The following TENM2 variants were observed in gnomAD, a reference collection of about 807,000 sequenced individuals.
TENM2 encodes teneurin-2.
Under a neutral mutation model 245.2 loss-of-function variants are expected in TENM2, and 52 were observed. The ratio of observed to expected loss-of-function variants is 0.21; its 90% confidence interval spans 0.17 to 0.27. The LOEUF is 0.27. Among genes scored for constraint, TENM2 ranks in the 10% least tolerant of loss-of-function variants. The pLI, the probability that TENM2 is intolerant of heterozygous loss-of-function variation, is 1.00. For missense variants in TENM2, 3,046 were observed against 3,666.8 expected (o/e 0.83, Z 4.37); for synonymous variants, 1,363 against 1,438.9 (o/e 0.95, Z 1.19).
intron 2 of TENM2, among the ~76,000 whole-genome samples, chr5:167,636,260 G>A (rs987635398): frequency 2.0e-5 from 3 of 152,084 alleles, no homozygotes; most frequent in African/African-American, 7.2e-5. Flanking sequence ...TTTTGGAGAT[G>A]CAATTTAAAA....
At chr5:167,527,921 G>T (rs1045638434) in intron 2 of TENM2, among the ~76,000 whole-genome samples, 9 of 152,260 alleles carry the variant, frequency 5.9e-5, no homozygotes, top group Admixed American at 5.2e-4. Flanking sequence ...AAGATGTCAT[G>T]TAGCTTTTCT....
At chr5:167,234,082 T>C in the TENM2 span, among the ~76,000 whole-genome samples, 2 of 152,026 alleles carry the variant, frequency 1.3e-5, no homozygotes, top group African/African-American at 4.8e-5. Flanking sequence ...GAAAATAACA[T>C]TGGTCTAACT....
the TENM2 span, among the ~76,000 whole-genome samples, chr5:167,115,740 A>G: frequency 2.6e-5 from 4 of 152,336 alleles, no homozygotes; most frequent in Middle Eastern, 3.4e-3. Flanking sequence ...TAGCTTAAGA[A>G]ATGTTGGGAA....
intron 2 of TENM2, among the ~76,000 whole-genome samples, chr5:167,765,097 A>G (rs1762921940): frequency 6.6e-6 from 1 of 152,112 alleles, no homozygotes; most frequent in African/African-American, 2.4e-5. Context: ...CCTCCCAGAA[A>G]GTTATTCAAA....
chr5:168,255,836 C>T (rs1344962778), intron 27 of TENM2, among the ~76,000 whole-genome samples: 1 of 152,022 alleles, frequency 6.6e-6, no homozygotes, highest in Non-Finnish European at 1.5e-5. Context: ...GACGAAGTCT[C>T]ACTCTGTCTC....
At chr5:168,230,375 T>C (rs1429112977) in intron 25 of TENM2, among the ~76,000 whole-genome samples, 1 of 152,254 alleles carries the variant, frequency 6.6e-6, no homozygotes, top group Non-Finnish European at 1.5e-5. Flanking sequence ...TTGCATCTCA[T>C]TTATTTTAAT....
intron 11 of TENM2, among the ~76,000 whole-genome samples, chr5:168,125,726 G>T (rs1350524542): frequency 2.0e-5 from 3 of 151,316 alleles, no homozygotes; most frequent in Admixed American, 6.6e-5. Context: ...CAATGGGAAA[G>T]AAATGAATAT....
chr5:167,993,621 G>A (rs149731262), intron 5 of TENM2, among the ~76,000 whole-genome samples: 292 of 152,294 alleles, frequency 1.9e-3, no homozygotes, highest in African/African-American at 6.6e-3. Context: ...ATCTTGATTC[G>A]AGAGAAAGCC....
At chr5:167,182,792 C>A in the TENM2 span, among the ~76,000 whole-genome samples, 2 of 152,060 alleles carry the variant, frequency 1.3e-5, no homozygotes, top group Non-Finnish European at 2.9e-5. Flanking sequence ...TGCAGGGAAA[C>A]CCTCCCAAAG....
chr5:167,817,461 A>G (rs909496747), intron 2 of TENM2, among the ~76,000 whole-genome samples: 1 of 152,222 alleles, frequency 6.6e-6, no homozygotes, highest in Admixed American at 6.5e-5. Context: ...GTGTGATGCC[A>G]TCTTATGAAA....
rs1176405769 is a variant in TENM2, at chr5:167,801,095, GAAA to G, written c.503-74878_503-74876del. Among the ~76,000 whole-genome samples the G allele has an allele frequency of 6.1e-3, 307 of 50,658 alleles. 5 individuals are homozygous for G. Among genetic ancestry groups the G allele is most frequent in the African/African-American group, 0.016 (232 of 14,348 alleles). The allele number at this position is 50,658 out of a possible 152,430, so 33.2% of individuals were successfully genotyped here. On this transcript the variant is annotated intron_variant, in intron 2 of 28. Coordinates refer to ENST00000518659, the Ensembl canonical transcript of TENM2. ...CCTATACTTTGAATGTATTTGAAAA[GAAA>G]AAAAAAAAAAAATATATATATATAT...
chr5:167,417,783 C>T (rs1191551415), intron 2 of TENM2, among the ~76,000 whole-genome samples: 2 of 152,106 alleles, frequency 1.3e-5, no homozygotes, highest in Non-Finnish European at 2.9e-5. Context: ...GTGAAACCAT[C>T]AACTACCGTG....
chr5:167,807,124 TAAA>T (rs1178739925), intron 2 of TENM2, among the ~76,000 whole-genome samples: 1,133 of 48,944 alleles, frequency 0.023, 26 homozygotes, highest in East Asian at 0.19. Context: ...GCCCCTAGGT[TAAA>T]AAAAAAAAAA....
At position 168,218,655 on chromosome 5, in the gene TENM2, C is replaced by T. The variant is rs775426003; in HGVS notation, c.4764C>T (p.Pro1588=). 10 of 1,613,824 alleles carry T rather than the reference C, an allele frequency of 6.2e-6. No homozygotes were observed. The East Asian group carries it at 6.7e-5, about 11-fold the overall frequency. The change falls in exon 23 of 29, where the codon CCC becomes CCT. Residue 1588 remains proline, a synonymous_variant. Transcript: ENST00000518659. The surrounding 1 kb of genome is among the most constrained non-coding windows in gnomAD (Gnocchi z 5.2). Reference sequence around the variant, plus strand: ...TCAACCAGTATGAGGCTGCATCCCCCGGAGAGCAGGAGTTATATGTTTTCA... The same window carrying T: ...TCAACCAGTATGAGGCTGCATCCCCTGGAGAGCAGGAGTTATATGTTTTCA...
At chr5:167,583,546 A>G (rs1010149664) in intron 2 of TENM2, among the ~76,000 whole-genome samples, 44 of 151,828 alleles carry the variant, frequency 2.9e-4, no homozygotes, top group African/African-American at 1.0e-3. Context: ...AAAACAAAAA[A>G]CCTACTGAAC....
intron 3 of TENM2, among the ~76,000 whole-genome samples, chr5:167,887,113 C>G (rs1056372618): frequency 6.6e-6 from 1 of 152,224 alleles, no homozygotes; most frequent in African/African-American, 2.4e-5. Context: ...TCAGAGCTTT[C>G]CCAACCAACA....
intron 5 of TENM2, among the ~76,000 whole-genome samples, chr5:168,012,843 G>C (rs1581054861): frequency 6.8e-6 from 1 of 147,034 alleles, no homozygotes; most frequent in South Asian, 2.1e-4. Flanking sequence ...GACCTTACTA[G>C]CTAGATGTCC....
chr5:167,019,988 A>G, the TENM2 span, among the ~76,000 whole-genome samples: 1 of 152,152 alleles, frequency 6.6e-6, no homozygotes, highest in East Asian at 1.9e-4. Context: ...AAATGGAGGT[A>G]GAATAATAAA....
Position 168,218,510 on chromosome 5 carries a change from A to G in TENM2, c.4619A>G (p.Asp1540Gly). The G allele has an allele frequency of 5.0e-6, 8 of 1,614,044 alleles. No homozygotes were observed. The highest frequency in any genetic ancestry group is 6.8e-6 in the Non-Finnish European group (8 of 1,179,902). Residue 1540 changes from aspartate (D) to glycine (G), a missense_variant, in exon 23 of 29, where the codon GAT becomes GGT. Transcript: ENST00000518659. This position sits in a 1 kb window ranked among gnomAD's most constrained non-coding sequence, Gnocchi z 5.2. Reference sequence around the variant, plus strand: ...TCAGGAGATGATGCCTACGCGACTGATGCCATCTTGAATTCCCCATCATCC... The same window carrying G: ...TCAGGAGATGATGCCTACGCGACTGGTGCCATCTTGAATTCCCCATCATCC...
Sources: allele counts gnomAD v4.1 joint callset (sites outside exome capture counted in the v4.1 genomes callset), GRCh38; gene constraint gnomAD v4.1.1; non-coding constraint Gnocchi (gnomAD v3.1); transcripts MANE v1.5; gene names NCBI Gene and HGNC (gene_info 2026-07-23, HGNC 2026-07-21).